SBF2: variants seen among roughly 807,000 people sequenced by gnomAD.
SBF2 encodes SET binding factor 2.
A neutral mutation model predicts 225.2 loss-of-function variants in SBF2; 112 were observed. The observed-to-expected ratio is 0.50, with a 90% confidence interval of 0.43 to 0.58. SBF2 has a LOEUF of 0.58. Among genes scored for constraint, SBF2 ranks in the 20% least tolerant of loss-of-function variants. The pLI, the probability that SBF2 is intolerant of heterozygous loss-of-function variation, is 0.00. For synonymous variants in SBF2, 763 were observed against 773.3 expected, an observed-to-expected ratio of 0.99 and a Z score of 0.22; for missense variants, 1,996 against 2,206.2, an observed-to-expected ratio of 0.90 and a Z score of 1.91.
chr11:9,781,429 T>C, intron 39 of SBF2, 78 bp downstream of exon 39: 1 of 1,589,716 alleles, frequency 6.3e-7, no homozygotes, highest in Non-Finnish European at 8.6e-7. Context: ...CCAATTACTC[T>C]GAGGGCTCCA....
At chr11:9,883,453 A>G (rs1358873537) in intron 17 of SBF2, among the ~76,000 whole-genome samples, 2 of 152,100 alleles carry the variant, frequency 1.3e-5, no homozygotes, top group African/African-American at 4.8e-5. Context: ...TCACTAGTCT[A>G]TGGATTGACT....
chr11:9,787,738 C>T lies in SBF2; in HGVS notation c.4933G>A (p.Glu1645Lys), dbSNP rs1428687384. ...AATTTGTGCTCCAATTTTTCAATTTCCTGCAAAGAAATTAAAAGTTTTCTG... is the reference window on the plus strand; with the variant it reads ...AATTTGTGCTCCAATTTTTCAATTTTCTGCAAAGAAATTAAAAGTTTTCTG... ...QPDALTSLFS[E>K]IEKLEHKLNQ... The change falls in exon 36 of 40, where the codon GAA becomes AAA. Residue 1645 changes from glutamate (E) to lysine (K), a missense_variant and splice_region_variant. Physicochemically the swap from Glu to Lys is moderately conservative, Grantham distance 56 (BLOSUM62 1). Coordinates refer to ENST00000256190, the MANE Select transcript of SBF2 (RefSeq NM_030962.4). 5.0e-6 allele frequency: 8 copies of T among 1,613,836 alleles called. No individual in the cohort carries two copies. Among genetic ancestry groups the T allele is most frequent in the Non-Finnish European group, 5.9e-6 (7 of 1,179,748 alleles).
chr11:10,030,974 G>C, intron 4 of SBF2, 74 bp downstream of exon 4: 1 of 1,291,786 alleles, frequency 7.7e-7, no homozygotes. Context: ...TCAATCCAAA[G>C]AACTTGTACC....
intron 1 of SBF2, among the ~76,000 whole-genome samples, chr11:10,243,837 C>T (rs1293118310): frequency 6.6e-6 from 1 of 152,052 alleles, no homozygotes; most frequent in East Asian, 1.9e-4. Context: ...AGGTCAAGAC[C>T]AGATGACTTC....
intron 6 of SBF2, among the ~76,000 whole-genome samples, chr11:10,021,229 T>C (rs1257555732): frequency 6.6e-6 from 1 of 152,174 alleles, no homozygotes; most frequent in African/African-American, 2.4e-5. Context: ...TGAACAGACA[T>C]GACAAAAGAT....
At chr11:10,083,773 T>A (rs1008592615) in intron 2 of SBF2, among the ~76,000 whole-genome samples, 5 of 152,022 alleles carry the variant, frequency 3.3e-5, no homozygotes, top group African/African-American at 4.8e-5. Context: ...TATAAAAAAA[T>A]ACCAGAAGAA....
intron 35 of SBF2, 104 bp downstream of exon 35, chr11:9,789,005 C>T: frequency 1.1e-6 from 1 of 950,512 alleles, no homozygotes. Context: ...AACCCTAGCT[C>T]AGAGTAAGGA....
rs192149311 is a variant in SBF2 at position 9,940,392 on chromosome 11, G to A, written c.1860+21565C>T. 4.5e-3 allele frequency among the ~76,000 whole-genome samples: 543 copies of A among 121,426 alleles called. 1 individual carries two copies. Among genetic ancestry groups the A allele is most frequent in the Admixed American group, 0.01 (113 of 11,298 alleles). The allele number at this position is 121,426 out of a possible 152,430, so 79.7% of individuals were successfully genotyped here. ...TGCACTCCAGCCTGGGCAACACAGCGAGACTCTGCCTCAAAAAAAAATTTT... is the reference window on the plus strand; with the variant it reads ...TGCACTCCAGCCTGGGCAACACAGCAAGACTCTGCCTCAAAAAAAAATTTT... On this transcript the variant is annotated intron_variant, in intron 16 of 39. Coordinates refer to ENST00000256190, the MANE Select transcript of SBF2 (RefSeq NM_030962.4).
chr11:9,832,973 C>T lies in SBF2; in HGVS notation c.3456-553G>A, dbSNP rs140747638. On this transcript the variant is annotated intron_variant, in intron 26 of 39. Coordinates refer to ENST00000256190, the MANE Select transcript of SBF2 (RefSeq NM_030962.4). ...ACTATTTCCCTTGCCTTATACATTACTTTTCCACAACTTGAAATAAAGATC... is the reference window on the plus strand; with the variant it reads ...ACTATTTCCCTTGCCTTATACATTATTTTTCCACAACTTGAAATAAAGATC... Among the ~76,000 whole-genome samples, 7 of 152,302 alleles carry T rather than the reference C, an allele frequency of 4.6e-5. No homozygotes were observed. The East Asian group carries it at 1.3e-3, about 29-fold the overall frequency.
chr11:10,022,724 A>C (rs1201929994), intron 6 of SBF2, among the ~76,000 whole-genome samples: 1 of 152,052 alleles, frequency 6.6e-6, no homozygotes, highest in East Asian at 1.9e-4. Context: ...CGTAGACACT[A>C]TAGTTTAGTC....
At chr11:10,241,752 A>T (rs1959228964) in intron 1 of SBF2, among the ~76,000 whole-genome samples, 1 of 152,124 alleles carries the variant, frequency 6.6e-6, no homozygotes, top group Non-Finnish European at 1.5e-5. Flanking sequence ...ATATCTATAA[A>T]ATGCCACAAT....
chr11:9,994,019 T>C, intron 9 of SBF2, 21 bp from the exon 10 acceptor site: 1 of 1,177,756 alleles, frequency 8.5e-7, no homozygotes, highest in Non-Finnish European at 1.3e-6. Flanking sequence ...AAAGTTTTGT[T>C]ATGTAAAATA....
chr11:9,984,858 T>C (rs1210756261), intron 13 of SBF2, among the ~76,000 whole-genome samples: 1 of 152,150 alleles, frequency 6.6e-6, no homozygotes, highest in Non-Finnish European at 1.5e-5. Flanking sequence ...AAAGATACAG[T>C]CATTTTTCAG....
intron 2 of SBF2, 77 bp from the exon 3 acceptor site, chr11:10,043,058 G>T: frequency 6.8e-7 from 1 of 1,465,854 alleles, no homozygotes; most frequent in Non-Finnish European, 9.3e-7. Context: ...AATTTTAAAT[G>T]TTTGCCCATT....
At chr11:9,995,155 C>T (rs1210117599) in intron 9 of SBF2, among the ~76,000 whole-genome samples, 2 of 151,888 alleles carry the variant, frequency 1.3e-5, no homozygotes, top group African/African-American at 4.8e-5. Context: ...ATATAAAGTG[C>T]AATACATGAA....
At chr11:10,232,221 C>T (rs993682342) in intron 1 of SBF2, among the ~76,000 whole-genome samples, 2 of 152,212 alleles carry the variant, frequency 1.3e-5, no homozygotes, top group African/African-American at 4.8e-5. Context: ...CTTTCTTTGA[C>T]TAGGAAAGGG....
At chr11:10,198,241 CT>C (rs1430017925) in intron 1 of SBF2, among the ~76,000 whole-genome samples, 1 of 152,198 alleles carries the variant, frequency 6.6e-6, no homozygotes, top group Non-Finnish European at 1.5e-5. Flanking sequence ...CAAAATGACT[CT>C]TGATCCATGG....
At chr11:9,937,486 A>C (rs555269303) in intron 16 of SBF2, among the ~76,000 whole-genome samples, 30 of 152,326 alleles carry the variant, frequency 2.0e-4, no homozygotes, top group African/African-American at 6.5e-4. Context: ...AAGATAATAA[A>C]AATTATTTAC....
intron 2 of SBF2, among the ~76,000 whole-genome samples, chr11:10,148,316 A>G (rs1255577798): frequency 6.6e-6 from 1 of 152,118 alleles, no homozygotes; most frequent in Non-Finnish European, 1.5e-5. Context: ...CATAATTGAA[A>G]GGGAAAAGAA....
Sources: gnomAD v4.1 joint callset for allele counts (sites outside exome capture counted in the v4.1 genomes callset) on GRCh38, gnomAD v4.1.1 for gene constraint, MANE v1.5 for transcripts, NCBI Gene and HGNC (gene_info 2026-07-23, HGNC 2026-07-21) for gene names.